The following RALYL variants were observed in gnomAD, a reference collection of about 807,000 sequenced individuals.
RALYL encodes the protein RNA-binding Raly-like protein.
A neutral mutation model predicts 35.1 loss-of-function variants in RALYL; 29 were observed. That is an observed-to-expected ratio of 0.83 (90% CI 0.61 to 1.13). The LOEUF is 1.13. Among genes scored for constraint, RALYL ranks in the 50% most tolerant of loss-of-function variants. RALYL has a pLI of 0.00. For missense variants in RALYL, 359 were observed against 360.4 expected, an observed-to-expected ratio of 1.00 and a Z score of 0.03; for synonymous variants, 120 against 127.6, an observed-to-expected ratio of 0.94 and a Z score of 0.40.
intron 1 of RALYL, among the ~76,000 whole-genome samples, chr8:84,419,681 T>C (rs1247415760): frequency 7.0e-6 from 1 of 143,316 alleles, no homozygotes; most frequent in Non-Finnish European, 1.5e-5. Flanking sequence ...TATCTCCCAA[T>C]GCTGTCCCTC....
chr8:84,832,037 T>G (rs1831037670), intron 4 of RALYL, among the ~76,000 whole-genome samples: 1 of 152,160 alleles, frequency 6.6e-6, no homozygotes, highest in Non-Finnish European at 1.5e-5. Context: ...TATAAAAAGA[T>G]TTGCTAAAAT....
chr8:84,495,726 A>C (rs897684735), intron 1 of RALYL, among the ~76,000 whole-genome samples: 1 of 152,090 alleles, frequency 6.6e-6, no homozygotes, highest in Non-Finnish European at 1.5e-5. Flanking sequence ...ACATTTTTAC[A>C]GTCTTAAGCA....
chr8:84,886,222 GTAAT>G (rs1378649551), intron 7 of RALYL, among the ~76,000 whole-genome samples: 3 of 152,060 alleles, frequency 2.0e-5, no homozygotes, highest in Non-Finnish European at 4.4e-5. Context: ...ATTTATAAAA[GTAAT>G]TATTATTTTA....
At chr8:84,762,607 C>A (rs148476811) in intron 2 of RALYL, among the ~76,000 whole-genome samples, 1 of 152,134 alleles carries the variant, frequency 6.6e-6, no homozygotes, top group African/African-American at 2.4e-5. Context: ...CAGCTTTATC[C>A]ACAGAATATG....
chr8:84,892,131 A>G (rs1367077750), intron 8 of RALYL, among the ~76,000 whole-genome samples: 1 of 152,224 alleles, frequency 6.6e-6, no homozygotes, highest in Non-Finnish European at 1.5e-5. Flanking sequence ...CTAGTTCTAA[A>G]TATACACTTA....
At chr8:84,291,409 G>A (rs1353782433) in intron 1 of RALYL, among the ~76,000 whole-genome samples, 1 of 152,102 alleles carries the variant, frequency 6.6e-6, no homozygotes, top group Non-Finnish European at 1.5e-5. Flanking sequence ...AAGATGTGTA[G>A]AATAAATGGG....
At chr8:84,231,716 C>G (rs1156801161) in intron 1 of RALYL, among the ~76,000 whole-genome samples, 1 of 152,164 alleles carries the variant, frequency 6.6e-6, no homozygotes, top group Non-Finnish European at 1.5e-5. Flanking sequence ...GCAAATATCT[C>G]TGTAGTTGTT....
intron 1 of RALYL, among the ~76,000 whole-genome samples, chr8:84,371,921 G>A (rs1408715656): frequency 6.6e-6 from 1 of 152,062 alleles, no homozygotes; most frequent in Non-Finnish European, 1.5e-5. Flanking sequence ...TCTTGTGGAA[G>A]ATGATATTGA....
chr8:84,446,594 C>G (rs2048882768), intron 1 of RALYL, among the ~76,000 whole-genome samples: 1 of 152,054 alleles, frequency 6.6e-6, no homozygotes, highest in Non-Finnish European at 1.5e-5. Context: ...ATTAAATCAA[C>G]TTATTCTCTG....
chr8:84,471,400 T>C (rs1021691282), intron 1 of RALYL, among the ~76,000 whole-genome samples: 5 of 146,938 alleles, frequency 3.4e-5, no homozygotes, highest in African/African-American at 1.3e-4. Flanking sequence ...CTGGACAACA[T>C]AGCAAGACCA....
chr8:84,881,333 C>T (rs903447017), intron 7 of RALYL, among the ~76,000 whole-genome samples: 3 of 151,832 alleles, frequency 2.0e-5, no homozygotes, highest in Non-Finnish European at 4.4e-5. Flanking sequence ...TGCTTGTATG[C>T]AAAAACAATG....
At chr8:84,694,929 A>G (rs1366500085) in intron 2 of RALYL, among the ~76,000 whole-genome samples, 3 of 151,778 alleles carry the variant, frequency 2.0e-5, no homozygotes, top group Non-Finnish European at 4.4e-5. Flanking sequence ...AGCACTTTTT[A>G]TGTATTAACT....
chr8:84,489,770 C>T (rs2055054467), intron 1 of RALYL, among the ~76,000 whole-genome samples: 1 of 151,772 alleles, frequency 6.6e-6, no homozygotes, highest in African/African-American at 2.4e-5. Context: ...CATGAGAAAG[C>T]AATTAAAAGA....
chr8:84,900,773 C>T (rs1489588254), intron 8 of RALYL, among the ~76,000 whole-genome samples: 1 of 151,934 alleles, frequency 6.6e-6, no homozygotes, highest in East Asian at 1.9e-4. Flanking sequence ...TAAGGTAGCA[C>T]CAAAGTGACC....
At chr8:84,835,637 C>T (rs868360430) in intron 4 of RALYL, among the ~76,000 whole-genome samples, 6 of 142,096 alleles carry the variant, frequency 4.2e-5, no homozygotes, top group African/African-American at 1.6e-4. Context: ...GAGCCAAGAT[C>T]GTGCCATTGC....
At chr8:84,441,274 T>G (rs961539853) in intron 1 of RALYL, among the ~76,000 whole-genome samples, 3 of 152,098 alleles carry the variant, frequency 2.0e-5, no homozygotes, top group Admixed American at 1.3e-4. Flanking sequence ...ATGTGAGATC[T>G]CTACAGATTC....
intron 2 of RALYL, among the ~76,000 whole-genome samples, chr8:84,622,877 G>GA (rs994249346): frequency 6.6e-6 from 1 of 151,986 alleles, no homozygotes; most frequent in African/African-American, 2.4e-5. Context: ...TATCTACGTG[G>GA]AAAAAAATAG....
intron 1 of RALYL, among the ~76,000 whole-genome samples, chr8:84,206,122 C>G (rs1242123374): frequency 6.6e-6 from 1 of 152,160 alleles, no homozygotes; most frequent in African/African-American, 2.4e-5. Context: ...TTCTGGAGTA[C>G]TGAGGGTTAG....
chr8:84,607,712 C>T (rs1304410946), intron 2 of RALYL, among the ~76,000 whole-genome samples: 1 of 152,122 alleles, frequency 6.6e-6, no homozygotes. Flanking sequence ...ATATTTTCCT[C>T]TATCTGTATG....
Sources: allele counts gnomAD v4.1 joint callset (sites outside exome capture counted in the v4.1 genomes callset), GRCh38; gene constraint gnomAD v4.1.1; transcripts MANE v1.5; gene names NCBI Gene and HGNC (gene_info 2026-07-23, HGNC 2026-07-21).